The following RAPGEF4 variants were observed in gnomAD, a reference collection of about 807,000 sequenced individuals.
The protein encoded by RAPGEF4 is Rap guanine nucleotide exchange factor 4.
In RAPGEF4, 66 loss-of-function variants were observed where a neutral mutation model predicts 147.9. That is an observed-to-expected ratio of 0.45 (90% CI 0.37 to 0.55). The LOEUF is 0.55. Ranked by LOEUF, RAPGEF4 falls within the 20% of genes least tolerant of loss-of-function variation. RAPGEF4 has a pLI of 0.00. For synonymous variants in RAPGEF4, 419 were observed against 442.7 expected (o/e 0.95, Z 0.67); for missense variants, 1,071 against 1,257.3 (o/e 0.85, Z 2.24).
chr2:172,932,375 T>C (rs375821790), intron 6 of RAPGEF4, among the ~76,000 whole-genome samples: 5 of 152,208 alleles, frequency 3.3e-5, no homozygotes, highest in African/African-American at 1.2e-4. Context: ...GTTCCAGTCC[T>C]GTAAGTTAAA....
chr2:173,005,121 T>C (rs199950550), intron 17 of RAPGEF4, among the ~76,000 whole-genome samples: 3 of 20,506 alleles, frequency 1.5e-4, no homozygotes, highest in South Asian at 1.2e-3. Context: ...GGTTTTTTTC[T>C]TTTTTTTTTG....
At chr2:172,791,450 T>C (rs1685817264) in intron 1 of RAPGEF4, among the ~76,000 whole-genome samples, 1 of 152,160 alleles carries the variant, frequency 6.6e-6, no homozygotes, top group Non-Finnish European at 1.5e-5. Flanking sequence ...GGTGAGAATA[T>C]ACATTGCATT....
chr2:172,973,623 G>A (rs1412506813), intron 10 of RAPGEF4, among the ~76,000 whole-genome samples: 3 of 152,132 alleles, frequency 2.0e-5, no homozygotes, highest in Admixed American at 1.3e-4. Flanking sequence ...GTCAGTGGGG[G>A]CATCTGCCAT....
chr2:172,797,948 A>C (rs1419335715), intron 3 of RAPGEF4, among the ~76,000 whole-genome samples: 1 of 152,210 alleles, frequency 6.6e-6, no homozygotes, highest in Non-Finnish European at 1.5e-5. Flanking sequence ...AAGGAGAAGG[A>C]GAAGTCTTCC....
chr2:172,918,289 G>A (rs1477134103), intron 5 of RAPGEF4, among the ~76,000 whole-genome samples: 3 of 128,550 alleles, frequency 2.3e-5, no homozygotes, highest in African/African-American at 8.9e-5. Context: ...ATGAAGAGGA[G>A]AAGTGGGGTG....
chr2:172,906,526 C>T (rs941618452), intron 4 of RAPGEF4, among the ~76,000 whole-genome samples: 8 of 152,334 alleles, frequency 5.3e-5, no homozygotes, highest in Admixed American at 2.6e-4. Flanking sequence ...CTGATGCTTT[C>T]GCTACAGCCT....
chr2:172,907,443 C>A (rs1464773542), intron 4 of RAPGEF4, among the ~76,000 whole-genome samples: 1 of 152,146 alleles, frequency 6.6e-6, no homozygotes, highest in East Asian at 1.9e-4. Context: ...TAACAAACAG[C>A]TCAGAGGGCA....
intron 29 of RAPGEF4, among the ~76,000 whole-genome samples, chr2:173,047,955 C>T (rs184468202): frequency 8.5e-5 from 13 of 152,304 alleles, no homozygotes; most frequent in Non-Finnish European, 1.5e-4. Context: ...GGATTACAGG[C>T]GTGAGCCACT....
At chr2:173,023,373 G>A (rs527628869) in intron 23 of RAPGEF4, among the ~76,000 whole-genome samples, 269 of 152,330 alleles carry the variant, frequency 1.8e-3, no homozygotes, top group Middle Eastern at 0.014. Flanking sequence ...CTGTCTGTGC[G>A]ATGCAGGCTC....
intron 4 of RAPGEF4, among the ~76,000 whole-genome samples, chr2:172,833,276 T>G (rs1409858614): frequency 6.7e-6 from 1 of 148,156 alleles, no homozygotes; most frequent in African/African-American, 2.5e-5. Context: ...TTTTTTTTTT[T>G]TGTCATTATT....
At chr2:172,894,511 T>C (rs1009947648) in intron 4 of RAPGEF4, 8 of 152,182 alleles carry the variant, frequency 5.3e-5, no homozygotes, top group Admixed American at 2.6e-4. Flanking sequence ...TTTTTATTCT[T>C]AGGAAAAGGA....
intron 4 of RAPGEF4, among the ~76,000 whole-genome samples, chr2:172,889,369 A>T (rs11888111): frequency 0.012 from 1,902 of 152,286 alleles, 40 homozygotes; most frequent in African/African-American, 0.043. Context: ...CATAGTAATA[A>T]TGTCAACAAA....
intron 4 of RAPGEF4, among the ~76,000 whole-genome samples, chr2:172,914,895 G>T: frequency 6.6e-6 from 1 of 152,084 alleles, no homozygotes; most frequent in African/African-American, 2.4e-5. Context: ...CTTTTCATAT[G>T]GTATTTTCTT....
At chr2:172,886,050 C>A (rs1331121564) in intron 4 of RAPGEF4, among the ~76,000 whole-genome samples, 1 of 152,116 alleles carries the variant, frequency 6.6e-6, no homozygotes, top group African/African-American at 2.4e-5. Context: ...CACCACCTTT[C>A]CTCTGTGGGA....
At chr2:172,952,940 C>T (rs1449238925) in intron 6 of RAPGEF4, among the ~76,000 whole-genome samples, 4 of 152,104 alleles carry the variant, frequency 2.6e-5, no homozygotes, top group South Asian at 2.1e-4. Flanking sequence ...GGGTATGTTG[C>T]GGAGAAACTT....
chr2:172,955,287 A>G (rs151059889), intron 6 of RAPGEF4, among the ~76,000 whole-genome samples: 2 of 152,260 alleles, frequency 1.3e-5, no homozygotes, highest in African/African-American at 4.8e-5. Context: ...CATTCACCTG[A>G]TTAGTATTTA....
At chr2:172,807,418 C>T (rs530611222) in intron 3 of RAPGEF4, among the ~76,000 whole-genome samples, 1 of 152,332 alleles carries the variant, frequency 6.6e-6, no homozygotes, top group African/African-American at 2.4e-5. Context: ...CTAAAAGTAA[C>T]AGACCTTGTC....
At chr2:172,763,233 T>G (rs1411298593) in intron 1 of RAPGEF4, among the ~76,000 whole-genome samples, 2 of 152,228 alleles carry the variant, frequency 1.3e-5, no homozygotes, top group East Asian at 3.8e-4. Context: ...TTTCCTTGTC[T>G]TGAGTCATAC....
chr2:172,804,429 G>A (rs566008080), intron 3 of RAPGEF4, among the ~76,000 whole-genome samples: 1 of 152,178 alleles, frequency 6.6e-6, no homozygotes, highest in Non-Finnish European at 1.5e-5. Flanking sequence ...AGTAGTAACT[G>A]TTCATTTACA....
Sources: gnomAD v4.1 joint callset for allele counts (sites outside exome capture counted in the v4.1 genomes callset) on GRCh38, gnomAD v4.1.1 for gene constraint, MANE v1.5 for transcripts, NCBI Gene and HGNC (gene_info 2026-07-23, HGNC 2026-07-21) for gene names.